The following NOP14 variants were observed in gnomAD, a reference collection of about 807,000 sequenced individuals.
NOP14 encodes the protein NOP14 nucleolar protein, also known as nucleolar protein 14.
NOP14 carries 57 observed loss-of-function variants against 101.6 expected under a neutral mutation model. The observed-to-expected ratio is 0.56, with a 90% CI of 0.45 to 0.70. NOP14 has a LOEUF of 0.70. Ranked by LOEUF, NOP14 falls within the 30% of genes least tolerant of loss-of-function variation. The pLI, the probability that NOP14 is intolerant of heterozygous loss-of-function variation, is 0.00. For synonymous variants in NOP14, 428 were observed against 424.0 expected (o/e 1.01, Z -0.12); for missense variants, 1,134 against 1,075.5 (o/e 1.05, Z -0.76).
chr4:2,961,093 ATAT>A (rs1358737612), intron 1 of NOP14, among the ~76,000 whole-genome samples: 1 of 38,342 alleles, frequency 2.6e-5, no homozygotes, highest in Non-Finnish European at 4.6e-5. Flanking sequence ...TATTATAATA[ATAT>A]ATTAATATTT....
intron 3 of NOP14, among the ~76,000 whole-genome samples, chr4:2,955,796 G>A (rs1000325986): frequency 2.6e-5 from 4 of 152,344 alleles, no homozygotes; most frequent in South Asian, 2.1e-4. Context: ...CCGTGAAGCC[G>A]AGCAGTGGCG....
At chr4:2,949,895 G>A in intron 8 of NOP14, 39 bp downstream of exon 8, 8 of 1,611,846 alleles carry the variant, frequency 5.0e-6, no homozygotes, top group Non-Finnish European at 6.8e-6. Flanking sequence ...GGTCATAAAG[G>A]TTATCCCAGA....
chr4:2,941,882 G>A (rs758809007), intron 14 of NOP14, 153 bp from the exon 15 acceptor site: 24 of 858,852 alleles, frequency 2.8e-5, no homozygotes, highest in Non-Finnish European at 3.9e-5. Context: ...ATGCAACCAC[G>A]GGCAAGGCAG....
At chr4:2,959,223 G>A (rs1715539129) in intron 1 of NOP14, among the ~76,000 whole-genome samples, 1 of 152,300 alleles carries the variant, frequency 6.6e-6, no homozygotes, top group Middle Eastern at 3.4e-3. Flanking sequence ...TGTTTCAACT[G>A]ACACACGCTG....
rs748151163 is a variant in NOP14, at chr4:2,942,205, C to T, written c.2038G>A (p.Ala680Thr). The change falls in exon 14 of 18, where the codon GCC becomes ACC. Residue 680 changes from alanine (A) to threonine (T), a missense_variant. By Grantham distance (58) the Ala-to-Thr change is moderately conservative. Transcript: ENST00000416614. ...CCCCTCACATACCGGATGTGATTGGCCTCTGTCGAAGTTGGGGCCCTCAGT... is the reference window on the plus strand; with the variant it reads ...CCCCTCACATACCGGATGTGATTGGTCTCTGTCGAAGTTGGGGCCCTCAGT... ...SRLRAPTSTEANHIRLSCLAV... is the reference protein window; with the variant it reads ...SRLRAPTSTETNHIRLSCLAV... 2.7e-5 allele frequency: 43 copies of T among 1,613,870 alleles called. No homozygotes were observed. Among genetic ancestry groups the T allele is most frequent in the Non-Finnish European group, 3.5e-5 (41 of 1,179,936 alleles).
chr4:2,943,681 T>A (rs1446366955), intron 13 of NOP14, among the ~76,000 whole-genome samples: 11 of 152,246 alleles, frequency 7.2e-5, no homozygotes, highest in Admixed American at 7.2e-4. Context: ...TGAGAAAAAG[T>A]AAAAAGTTAA....
chr4:2,958,130 T>TGG, intron 1 of NOP14, among the ~76,000 whole-genome samples: 1 of 152,280 alleles, frequency 6.6e-6, no homozygotes, highest in East Asian at 1.9e-4. Context: ...AGGGTACTAT[T>TGG]TCCCATCAAA....
intron 13 of NOP14, among the ~76,000 whole-genome samples, chr4:2,943,114 G>A (rs1231822728): frequency 6.6e-6 from 1 of 152,222 alleles, no homozygotes; most frequent in African/African-American, 2.4e-5. Context: ...GGGAGCATGT[G>A]GGCGGCCGCG....
In NOP14 at chr4:2,961,047, TA is replaced by T. The variant is rs1341588968; in HGVS notation, c.195+2077del. 2.7e-3 allele frequency among the ~76,000 whole-genome samples: 296 copies of T among 109,096 alleles called. 7 individuals carry two copies. The highest frequency in any genetic ancestry group is 0.011 in the African/African-American group (279 of 24,686). 71.6% of individuals were successfully genotyped at this position (109,096 alleles called of 152,430 possible). A position where few individuals can be genotyped will look rare whatever the true frequency, so the allele number is the denominator to read the frequency against. On this transcript the variant is annotated intron_variant, in intron 1 of 17. Coordinates refer to ENST00000416614, the MANE Select transcript of NOP14 (RefSeq NM_001291978.2). ...TATTAATATTATATCAATATTATAT[TA>T]ATACTACATCAATATTATATTAATA...
chr4:2,960,460 T>A (rs1715653301), intron 1 of NOP14, among the ~76,000 whole-genome samples: 1 of 152,018 alleles, frequency 6.6e-6, no homozygotes, highest in Admixed American at 6.6e-5. Flanking sequence ...AAATACGTAA[T>A]ATGAGTTATT....
chr4:2,963,017 CCTGTGCCGCTCAA>C (rs1716222775), intron 1 of NOP14, 95 bp downstream of exon 1: 1 of 1,162,442 alleles, frequency 8.6e-7, no homozygotes, highest in African/African-American at 1.6e-5. Flanking sequence ...CCTGTCACGG[CCTGTGCCGCTCAA>C]CGAGGAAACC....
chr4:2,941,326 C>T (rs941909974), intron 15 of NOP14: 8 of 481,750 alleles, frequency 1.7e-5, no homozygotes, highest in African/African-American at 8.0e-5. Flanking sequence ...ACCCTCCGTG[C>T]GGCCTCTTGG....
rs77476952 is a variant in NOP14, at chr4:2,938,659, C to T, written c.*172G>A. Reference sequence around the variant, plus strand: ...TAGTTGGGACTACAGGTGCGTGCCACCACACTTGGCTAATTTTTATGTTTT... The same window carrying T: ...TAGTTGGGACTACAGGTGCGTGCCATCACACTTGGCTAATTTTTATGTTTT... On this transcript the variant is annotated 3_prime_UTR_variant, in exon 18 of 18. Transcript: ENST00000416614. 4 of 598,778 alleles carry T rather than the reference C, an allele frequency of 6.7e-6. No homozygotes were observed. The highest frequency in any genetic ancestry group is 8.9e-4 in the Middle Eastern group (2 of 2,244). The allele number at this position is 598,778 out of a possible 1,614,324, so 37.1% of individuals were successfully genotyped here.
intron 10 of NOP14, chr4:2,947,191 G>A (rs962559624): frequency 1.0e-4 from 37 of 366,888 alleles, no homozygotes; most frequent in African/African-American, 6.4e-4. Context: ...GGTGTCTACC[G>A]TGCTTTCCAA....
intron 1 of NOP14, among the ~76,000 whole-genome samples, chr4:2,960,744 T>C (rs1435520766): frequency 3.0e-5 from 4 of 132,774 alleles, no homozygotes; most frequent in Non-Finnish European, 4.8e-5. Flanking sequence ...ATTAATATAT[T>C]AATATTATAA....
rs1713881470 is a variant in NOP14, at chr4:2,938,730, A to T, written c.*101T>A. ...CCTGTGTTGCCCAGGCTGGTCTCGAACTCCTGGGCTGAAGCAATCTTCCTG... is the reference window on the plus strand; with the variant it reads ...CCTGTGTTGCCCAGGCTGGTCTCGATCTCCTGGGCTGAAGCAATCTTCCTG... On this transcript the variant is annotated 3_prime_UTR_variant, in exon 18 of 18. Coordinates refer to ENST00000416614, the MANE Select transcript of NOP14 (RefSeq NM_001291978.2). The T allele has an allele frequency of 2.1e-6, 2 of 932,742 alleles. No individual in the cohort carries two copies. The highest frequency in any genetic ancestry group is 1.7e-6 in the Non-Finnish European group (1 of 602,240). The allele number at this position is 932,742 out of a possible 1,614,324, so 57.8% of individuals were successfully genotyped here.
At chr4:2,941,843 G>C (rs2109292482) in intron 14 of NOP14, 114 bp from the exon 15 acceptor site, 1 of 1,254,922 alleles carries the variant, frequency 8.0e-7, no homozygotes, top group East Asian at 2.5e-5. Context: ...ACTCCAGTGT[G>C]GCCACCTTGG....
At chr4:2,955,823 C>T (rs1471804601) in intron 3 of NOP14, among the ~76,000 whole-genome samples, 1 of 152,236 alleles carries the variant, frequency 6.6e-6, no homozygotes, top group Non-Finnish European at 1.5e-5. Flanking sequence ...CCTGGTGTGC[C>T]GCAGATGGCG....
chr4:2,950,256 G>A (rs769236004), intron 7 of NOP14, 43 bp from the exon 8 acceptor site: 8 of 1,594,424 alleles, frequency 5.0e-6, no homozygotes, highest in Non-Finnish European at 6.8e-6. Flanking sequence ...GACAGGCGGA[G>A]ACAACGCTGG....
Sources: gnomAD v4.1 joint callset for allele counts (sites outside exome capture counted in the v4.1 genomes callset) on GRCh38, gnomAD v4.1.1 for gene constraint, MANE v1.5 for transcripts, NCBI Gene and HGNC (gene_info 2026-07-23, HGNC 2026-07-21) for gene names.